The following BST1 variants were observed in gnomAD, a reference collection of about 807,000 sequenced individuals.
The protein encoded by BST1 is bone marrow stromal cell antigen 1.
Under a neutral mutation model 40.6 loss-of-function variants are expected in BST1, and 49 were observed. The observed-to-expected ratio is 1.21, with a 90% CI of 0.96 to 1.53. BST1 has a LOEUF of 1.53. Ranked by LOEUF, BST1 falls within the 40% of genes most tolerant of loss-of-function variation. The pLI is 0.00. For missense variants in BST1, 423 were observed against 395.9 expected (o/e 1.07, Z -0.58); for synonymous variants, 157 against 159.3 (o/e 0.99, Z 0.11).
Position 15,732,433 on chromosome 4 carries a change from T to G in BST1, c.*588T>G, listed in dbSNP as rs1721415271. 6.6e-6 allele frequency: 1 copy of G among 152,342 alleles called. No individual in the cohort carries two copies. The highest frequency in any genetic ancestry group is 2.4e-5 in the African/African-American group (1 of 41,456). 9.4% of individuals were successfully genotyped at this position (152,342 alleles called of 1,614,324 possible). On this transcript the variant is annotated 3_prime_UTR_variant, in exon 9 of 9. Coordinates refer to ENST00000265016, the MANE Select transcript of BST1 (RefSeq NM_004334.3). ...CCAGGATTCAAGCGATTCTCCTGCC[T>G]CAGCCTCCCAAGTAGCTGGGATTGC...
the BST1 span, among the ~76,000 whole-genome samples, chr4:15,751,747 A>G: frequency 2.0e-5 from 3 of 152,070 alleles, no homozygotes; most frequent in East Asian, 3.9e-4. Flanking sequence ...ATCTATGTAT[A>G]TATCTATGTA....
chr4:15,758,550 T>C, the BST1 span, among the ~76,000 whole-genome samples: 62 of 152,336 alleles, frequency 4.1e-4, no homozygotes, highest in African/African-American at 1.4e-3. Context: ...CATTTTTTTG[T>C]CATGAGAACA....
At chr4:15,773,637 CA>C in the BST1 span, among the ~76,000 whole-genome samples, 2 of 151,756 alleles carry the variant, frequency 1.3e-5, no homozygotes, top group African/African-American at 4.8e-5. Flanking sequence ...CCCATCTCTA[CA>C]AAAAAAATCC....
intron 3 of BST1, among the ~76,000 whole-genome samples, chr4:15,707,855 C>CTCTCTA (rs544633858): frequency 0.061 from 7,773 of 127,598 alleles, 303 homozygotes; most frequent in Non-Finnish European, 0.083. Flanking sequence ...CTCTCTCTCT[C>CTCTCTA]TATATATATA....
chr4:15,766,458 G>A, the BST1 span, among the ~76,000 whole-genome samples: 4 of 152,060 alleles, frequency 2.6e-5, no homozygotes, highest in Admixed American at 6.5e-5. Flanking sequence ...AAACAAGGAA[G>A]CCTAGAATGA....
intron 8 of BST1, among the ~76,000 whole-genome samples, chr4:15,728,217 GGA>G (rs1350842737): frequency 6.6e-6 from 1 of 151,996 alleles, no homozygotes; most frequent in African/African-American, 2.4e-5. Flanking sequence ...TACTTGTTTA[GGA>G]ATAGTGGGGT....
downstream of BST1, among the ~76,000 whole-genome samples, chr4:15,741,353 A>G (rs1396790176): frequency 6.6e-6 from 1 of 152,124 alleles, no homozygotes; most frequent in Non-Finnish European, 1.5e-5. Flanking sequence ...CAATCCTATT[A>G]TTATAGAAGT....
exon 7 of BST1, chr4:15,737,993 AT>A: frequency 1.1e-5 from 4 of 361,704 alleles, no homozygotes; most frequent in South Asian, 8.5e-5. Flanking sequence ...ACTCCCAAAT[AT>A]TTAGGGTGGT....
chr4:15,749,466 A>T, the BST1 span, among the ~76,000 whole-genome samples: 1 of 152,160 alleles, frequency 6.6e-6, no homozygotes, highest in Non-Finnish European at 1.5e-5. Context: ...CCTCTACCTC[A>T]AAATTCATTA....
At chr4:15,711,331 G>A (rs1720190167) in intron 3 of BST1, among the ~76,000 whole-genome samples, 1 of 151,950 alleles carries the variant, frequency 6.6e-6, no homozygotes. Context: ...TTTTTCAATT[G>A]TATAAAATTT....
downstream of BST1, chr4:15,736,072 A>C (rs1721550490): frequency 7.0e-6 from 9 of 1,288,636 alleles, no homozygotes; most frequent in Non-Finnish European, 9.1e-6. Context: ...GCTATGTGGG[A>C]CATTAGGAGT....
At chr4:15,746,751 T>A in the BST1 span, among the ~76,000 whole-genome samples, 2 of 152,192 alleles carry the variant, frequency 1.3e-5, no homozygotes, top group East Asian at 3.8e-4. Context: ...GTTTACTTCA[T>A]CTTTCCTACT....
At chr4:15,703,981 GGAGGTGAGATGTGTGTGTGTGTGTTCTA>G (rs1350795394) in intron 1 of BST1, among the ~76,000 whole-genome samples, 2 of 126,102 alleles carry the variant, frequency 1.6e-5, no homozygotes, top group East Asian at 5.6e-4. Context: ...TGTGTGTTCT[GGAGGTGAGATGTGTGTGTGTGTGTTCTA>G]GAGGTGAGGG....
intron 3 of BST1, 98 bp from the exon 4 acceptor site, chr4:15,711,709 C>G: frequency 1.0e-6 from 1 of 965,064 alleles, no homozygotes; most frequent in Middle Eastern, 2.2e-4. Flanking sequence ...AGAATGGAAG[C>G]TAAGTATACA....
chr4:15,769,514 C>T, the BST1 span, among the ~76,000 whole-genome samples: 2 of 152,060 alleles, frequency 1.3e-5, no homozygotes, highest in African/African-American at 4.8e-5. Context: ...AAGCCTGAGC[C>T]ACAGGGAGTT....
chr4:15,722,170 G>A (rs1462063413), intron 7 of BST1, among the ~76,000 whole-genome samples: 1 of 152,244 alleles, frequency 6.6e-6, no homozygotes, highest in Non-Finnish European at 1.5e-5. Flanking sequence ...GGTCATACGA[G>A]TTGTACGTGC....
the BST1 span, among the ~76,000 whole-genome samples, chr4:15,769,096 G>A: frequency 1.3e-5 from 2 of 152,166 alleles, no homozygotes; most frequent in African/African-American, 4.8e-5. Context: ...CAAGAATTAT[G>A]TATGAATTCC....
At chr4:15,715,885 G>A in intron 6 of BST1, 86 bp downstream of exon 6, 1 of 1,022,952 alleles carries the variant, frequency 9.8e-7, no homozygotes, top group East Asian at 2.9e-5. Context: ...AACATTTTCA[G>A]TTTAGGGGAA....
At chr4:15,762,482 G>A in the BST1 span, among the ~76,000 whole-genome samples, 5 of 151,846 alleles carry the variant, frequency 3.3e-5, 1 homozygote, top group African/African-American at 1.2e-4. Context: ...TATATTCAAA[G>A]CATACAAGCT....
Sources: allele counts gnomAD v4.1 joint callset (sites outside exome capture counted in the v4.1 genomes callset), GRCh38; gene constraint gnomAD v4.1.1; transcripts MANE v1.5; gene names NCBI Gene and HGNC (gene_info 2026-07-23, HGNC 2026-07-21).